Variants in COBLL1 observed in about 807,000 individuals in gnomAD.
COBLL1 encodes cordon-bleu WH2 repeat protein like 1.
In COBLL1, 50 loss-of-function variants were observed where a neutral mutation model predicts 94.8. The observed-to-expected ratio is 0.53, with a 90% confidence interval of 0.42 to 0.67. The LOEUF (loss-of-function observed/expected upper bound fraction) is 0.67, where lower values mean the gene tolerates loss of function less well. COBLL1 is among the 30% of genes least tolerant of loss of function. The pLI is 0.00. For missense variants in COBLL1, 1,362 were observed against 1,348.7 expected (o/e 1.01, Z -0.15); for synonymous variants, 448 against 473.8 (o/e 0.95, Z 0.71).
intron 2 of COBLL1, chr2:164,665,709 ATAAT>A (rs1329779965): frequency 6.6e-6 from 1 of 152,220 alleles, no homozygotes; most frequent in Admixed American, 6.5e-5. Context: ...GAAATGCAAA[ATAAT>A]TAATAAATGA....
intron 2 of COBLL1, among the ~76,000 whole-genome samples, chr2:164,665,577 A>G (rs181684574): frequency 4.6e-5 from 7 of 152,236 alleles, no homozygotes; most frequent in African/African-American, 1.4e-4. Flanking sequence ...CTAATTTGGA[A>G]AGAAAAAAGT....
In COBLL1 at chr2:164,832,829, A is replaced by C. The variant is rs181878985; in HGVS notation, c.41+8327T>G. ...CAGGCCGAGGCGGGCGGATCACCTGAGGACGGGAGTTTCAGACCAGCCTGA... is the reference window on the plus strand; with the variant it reads ...CAGGCCGAGGCGGGCGGATCACCTGCGGACGGGAGTTTCAGACCAGCCTGA... On this transcript the variant is annotated intron_variant, in intron 2 of 13. Coordinates refer to ENST00000652658, the MANE Select transcript of COBLL1 (RefSeq NM_001365672.2). Among the ~76,000 whole-genome samples, 832 of 152,096 alleles carry C rather than the reference A, an allele frequency of 5.5e-3. 6 individuals carry two copies. Among genetic ancestry groups the C allele is most frequent in the Middle Eastern group, 0.021 (6 of 292 alleles).
rs970906462 is a variant in COBLL1 at position 164,695,604 on chromosome 2, T to A, written c.1788A>T (p.Ala596=). The A allele has an allele frequency of 6.2e-7, 1 of 1,613,860 alleles. No individual in the cohort carries two copies. Among genetic ancestry groups the A allele is most frequent in the Non-Finnish European group, 8.5e-7 (1 of 1,179,924 alleles). The part of the protein sequence containing the change: ...VPDQKLNQPS[A]EKTKDAAIQT... The stretch of plus-strand genomic sequence containing the variant: ...GAATTGCTGCATCTTTTGTCTTTTC[T>A]GCACTGGGTTGATTCAGTTTTTGAT... The change falls in exon 12 of 14, where the codon GCA becomes GCT. Residue 596 remains alanine (A), a synonymous_variant. Transcript: ENST00000652658.
At chr2:164,739,807 G>A (rs865832749) in intron 3 of COBLL1, among the ~76,000 whole-genome samples, 1 of 152,280 alleles carries the variant, frequency 6.6e-6, no homozygotes, top group Middle Eastern at 3.4e-3. Flanking sequence ...CCATTAGGTA[G>A]TTAACATTTT....
chr2:164,696,163 T>C (rs558725617), intron 11 of COBLL1: 13 of 188,498 alleles, frequency 6.9e-5, no homozygotes, highest in South Asian at 2.9e-4. Context: ...CATTAGTATA[T>C]TGACCAGAAT....
rs777786578 is a variant in COBLL1, at chr2:164,722,188, C to A, written c.883G>T (p.Ala295Ser). Residue 295 changes from alanine to serine, a missense_variant, in exon 7 of 14, where the codon GCT becomes TCT. Coordinates refer to ENST00000652658, the MANE Select transcript of COBLL1 (RefSeq NM_001365672.2). ...LPSDAPKKRR[A>S]PLPPMPASQS... is the part of the protein sequence containing the mutation. ...GATGCTGGCATCGGGGGCAGTGGAGCCCGCCTCTTCTTGGGTGCATCCGAC... is the reference window on the plus strand; with the variant it reads ...GATGCTGGCATCGGGGGCAGTGGAGACCGCCTCTTCTTGGGTGCATCCGAC... 9 of 1,613,952 alleles carry A rather than the reference C, an allele frequency of 5.6e-6. No homozygotes were observed. The highest frequency in any genetic ancestry group is 7.6e-6 in the Non-Finnish European group (9 of 1,180,000).
At chr2:164,771,549 G>A (rs1029295255) in intron 2 of COBLL1, among the ~76,000 whole-genome samples, 1 of 151,928 alleles carries the variant, frequency 6.6e-6, no homozygotes, top group African/African-American at 2.4e-5. Flanking sequence ...TTATAAATGG[G>A]CTTGTCCATA....
chr2:164,807,521 C>T (rs553082710), intron 2 of COBLL1, among the ~76,000 whole-genome samples: 39 of 149,734 alleles, frequency 2.6e-4, no homozygotes, highest in African/African-American at 7.1e-4. Context: ...GTATTATTTA[C>T]ATCCTCTCCA....
At chr2:164,710,106 TA>T (rs941362789) in intron 7 of COBLL1, among the ~76,000 whole-genome samples, 25 of 152,214 alleles carry the variant, frequency 1.6e-4, no homozygotes, top group African/African-American at 5.3e-4. Flanking sequence ...TAATTTCAAT[TA>T]TTTAAGAAAT....
chr2:164,669,903 C>G (rs964317167), intron 1 of COBLL1, among the ~76,000 whole-genome samples: 1 of 152,184 alleles, frequency 6.6e-6, no homozygotes, highest in African/African-American at 2.4e-5. Flanking sequence ...AGTAAATTGT[C>G]TTTTTGTTGT....
At chr2:164,779,614 C>T (rs1326948900) in intron 2 of COBLL1, 1 of 468,548 alleles carries the variant, frequency 2.1e-6, no homozygotes, top group Non-Finnish European at 4.4e-6. Flanking sequence ...AGGACGCTTC[C>T]CAGCCTCCCA....
Position 164,703,133 on chromosome 2 carries a change from G to A in COBLL1, c.1225+1311C>T, listed in dbSNP as rs1374558512. On this transcript the variant is annotated intron_variant, in intron 9 of 13. Transcript: ENST00000652658. The stretch of plus-strand genomic sequence containing the variant: ...CAATGATGTTATGGCTGCCTCAGGT[G>A]TCCCAGGGCACTCAAAGACAGAGGT... 4 of 1,613,206 alleles carry A rather than the reference G, an allele frequency of 2.5e-6. No homozygotes were observed. The East Asian group carries it at 8.9e-5, about 36-fold the overall frequency.
In COBLL1 at chr2:164,695,501, C is replaced by T. The variant is rs1273658520; in HGVS notation, c.1891G>A (p.Val631Met). 1.2e-6 allele frequency: 2 copies of T among 1,613,900 alleles called. No homozygotes were observed. Among genetic ancestry groups the T allele is most frequent in the South Asian group, 1.1e-5 (1 of 91,066 alleles). Residue 631 changes from valine to methionine, a missense_variant, in exon 12 of 14, where the codon GTG (valine) becomes ATG (methionine). Physicochemically the swap from Val to Met is conservative, Grantham distance 21. Transcript: ENST00000652658. ...NLSDSKVEEC[V>M]QTSNNNISTQ... ...GATATGTTGTTATTTGAAGTTTGCACACATTCTTCAACTTTGGAGTCAGAT... is the reference window on the plus strand; with the variant it reads ...GATATGTTGTTATTTGAAGTTTGCATACATTCTTCAACTTTGGAGTCAGAT...
chr2:164,699,442 T>C lies in COBLL1; in HGVS notation c.1518A>G (p.Ile506Met). ...TSNGKKVVDSIRNLKSLGPNQ... is the reference protein window; with the variant it reads ...TSNGKKVVDSMRNLKSLGPNQ... ...TTGGGCCCAACGACTTCAAGTTTCTTATACTGTCAACTACCTTCTTTCCAT... is the reference window on the plus strand; with the variant it reads ...TTGGGCCCAACGACTTCAAGTTTCTCATACTGTCAACTACCTTCTTTCCAT... The change falls in exon 11 of 14, where the codon ATA becomes ATG. Residue 506 changes from isoleucine to methionine, a missense_variant. Transcript: ENST00000652658. The C allele has an allele frequency of 6.2e-7, 1 of 1,612,614 alleles. No homozygotes were observed. Among genetic ancestry groups the C allele is most frequent in the Non-Finnish European group, 8.5e-7 (1 of 1,178,744 alleles).
chr2:164,744,327 G>C (rs1002037257), intron 2 of COBLL1, among the ~76,000 whole-genome samples: 1 of 151,930 alleles, frequency 6.6e-6, no homozygotes, highest in Non-Finnish European at 1.5e-5. Flanking sequence ...TCCACCTCTC[G>C]ATTCAGACAA....
chr2:164,722,088 T>G lies in COBLL1; in HGVS notation c.983A>C (p.Asp328Ala), dbSNP rs539806454. Residue 328 changes from aspartate to alanine, a missense_variant, in exon 7 of 14, where the codon GAT becomes GCT. Transcript: ENST00000652658. Reference protein sequence around the residue: ...ASCIVKSMSVDETDKSPCEAG... With the variant: ...ASCIVKSMSVAETDKSPCEAG... ...AAAACTACACACCTTATCTGTCTCA[T>G]CCACGCTCATGGATTTCACTATACA... The G allele has an allele frequency of 2.9e-5, 47 of 1,603,712 alleles. No homozygotes were observed. In the South Asian group the frequency reaches 5.1e-4, roughly 17 times the overall value.
intron 7 of COBLL1, 129 bp from the exon 8 acceptor site, chr2:164,705,234 T>C: frequency 4.9e-6 from 3 of 613,960 alleles, no homozygotes; most frequent in Non-Finnish European, 7.4e-6. Context: ...CTTAAAAACG[T>C]TTATGAAGCA....
chr2:164,692,269 AC>A lies in COBLL1; in HGVS notation c.3251del (p.Ser1084IlefsTer3), dbSNP rs780334723. On this transcript the variant is annotated frameshift_variant, in exon 13 of 14. Coordinates refer to ENST00000652658, the MANE Select transcript of COBLL1 (RefSeq NM_001365672.2). LOFTEE classifies it high-confidence loss of function. ...QSSDPEQMRQ[S>X]LLTAIRSGEA... is the part of the protein sequence containing the mutation. ...CTCCCGAACGGATTGCAGTCAGCAA[AC>A]TCTGTCGCATCTGTTCTGGGTCAGA... 6.2e-7 allele frequency: 1 copy of A among 1,612,830 alleles called. No individual in the cohort carries two copies. The highest frequency in any genetic ancestry group is 1.1e-5 in the South Asian group (1 of 90,882).
intron 2 of COBLL1, among the ~76,000 whole-genome samples, chr2:164,760,510 C>A (rs1355930443): frequency 6.6e-6 from 1 of 152,146 alleles, no homozygotes; most frequent in African/African-American, 2.4e-5. Flanking sequence ...TTTCATAGAA[C>A]TATAAACCTA....
Sources: allele counts gnomAD v4.1 joint callset (sites outside exome capture counted in the v4.1 genomes callset), GRCh38; gene constraint gnomAD v4.1.1; transcripts MANE v1.5; gene names NCBI Gene and HGNC (gene_info 2026-07-23, HGNC 2026-07-21).